TRAPPC9: variants seen among roughly 807,000 people sequenced by gnomAD.
TRAPPC9 encodes IKK2 binding protein.
A neutral mutation model predicts 124.0 loss-of-function variants in TRAPPC9; 83 were observed. The ratio of observed to expected loss-of-function variants is 0.67; its 90% CI spans 0.56 to 0.80. The LOEUF is 0.80. Among genes scored for constraint, TRAPPC9 ranks in the 30% least tolerant of loss-of-function variants. TRAPPC9 has a pLI of 0.00. For synonymous variants in TRAPPC9, 638 were observed against 617.5 expected (o/e 1.03, Z -0.49); for missense variants, 1,302 against 1,508.3 (o/e 0.86, Z 2.27).
intron 17 of TRAPPC9, among the ~76,000 whole-genome samples, chr8:140,072,693 C>CATAT (rs113327909): frequency 6.7e-6 from 1 of 150,216 alleles, no homozygotes; most frequent in African/African-American, 2.4e-5. Context: ...ATATTCAATG[C>CATAT]ATATATATAT....
At chr8:139,736,996 A>G (rs1818215459) in intron 21 of TRAPPC9, among the ~76,000 whole-genome samples, 1 of 152,246 alleles carries the variant, frequency 6.6e-6, no homozygotes, top group Admixed American at 6.5e-5. Flanking sequence ...TCCAACCAGG[A>G]CGGACCTGGG....
intron 21 of TRAPPC9, among the ~76,000 whole-genome samples, chr8:139,815,239 C>T (rs1027633653): frequency 6.6e-6 from 1 of 152,172 alleles, no homozygotes; most frequent in African/African-American, 2.4e-5. Flanking sequence ...GCTCCCTGCC[C>T]GCCTTCCCTG....
chr8:140,423,579 TACACACACACACAC>T (rs35333495), intron 5 of TRAPPC9, among the ~76,000 whole-genome samples: 3 of 145,440 alleles, frequency 2.1e-5, no homozygotes, highest in Non-Finnish European at 3.0e-5. Context: ...AAATGTGGCA[TACACACACACACAC>T]ACACACACAC....
chr8:140,309,240 C>A, intron 10 of TRAPPC9, among the ~76,000 whole-genome samples: 1 of 152,262 alleles, frequency 6.6e-6, no homozygotes, highest in East Asian at 1.9e-4. Context: ...TTCCTAGGCG[C>A]TAGGCATGCT....
At chr8:140,423,655 TACAC>T (rs755391431) in intron 5 of TRAPPC9, among the ~76,000 whole-genome samples, 12 of 71,348 alleles carry the variant, frequency 1.7e-4, no homozygotes, top group African/African-American at 4.3e-4. Context: ...CACATATACA[TACAC>T]ACATATATAC....
At chr8:140,445,602 C>T (rs1334813196) in intron 2 of TRAPPC9, among the ~76,000 whole-genome samples, 2 of 152,196 alleles carry the variant, frequency 1.3e-5, no homozygotes, top group African/African-American at 4.8e-5. Context: ...GGCCCACAAC[C>T]CAGGGTTAAA....
Position 140,451,397 on chromosome 8 carries a change from A to G in TRAPPC9, c.-10-14T>C. ...ATTTTGAAGTCCCTGTTCAGAGAGA[A>G]GAAATGAGGCTGTGAGACACAGAGT... On this transcript the variant is annotated splice_polypyrimidine_tract_variant and intron_variant, in intron 1 of 22. Transcript: ENST00000438773. 1.3e-6 allele frequency: 2 copies of G among 1,595,170 alleles called. No individual in the cohort carries two copies. The highest frequency in any genetic ancestry group is 1.7e-6 in the Non-Finnish European group (2 of 1,176,548).
At chr8:139,754,742 G>A (rs762111386) in intron 21 of TRAPPC9, among the ~76,000 whole-genome samples, 6 of 152,124 alleles carry the variant, frequency 3.9e-5, no homozygotes, top group East Asian at 3.9e-4. Context: ...TTCCAGAGAC[G>A]CCCCCACCCC....
chr8:139,916,264 C>T (rs910832345), intron 19 of TRAPPC9: 2 of 152,204 alleles, frequency 1.3e-5, no homozygotes, highest in East Asian at 1.9e-4. Flanking sequence ...GAGGCTGATA[C>T]ACCCCACTTT....
At chr8:139,853,619 G>A (rs550943209) in intron 21 of TRAPPC9, among the ~76,000 whole-genome samples, 1 of 152,338 alleles carries the variant, frequency 6.6e-6, no homozygotes, top group East Asian at 1.9e-4. Context: ...CTGCAGGGTG[G>A]GGATTCAGGC....
intron 15 of TRAPPC9, among the ~76,000 whole-genome samples, chr8:140,261,701 G>A (rs1695243860): frequency 6.6e-6 from 1 of 152,170 alleles, no homozygotes; most frequent in Admixed American, 6.5e-5. Flanking sequence ...ATTCTTGCCT[G>A]TTGGGATGGC....
At chr8:139,878,032 C>A (rs978554955) in intron 21 of TRAPPC9, among the ~76,000 whole-genome samples, 4 of 152,208 alleles carry the variant, frequency 2.6e-5, no homozygotes, top group Non-Finnish European at 5.9e-5. Context: ...TTCTGAGAAT[C>A]CACGCTGAGG....
chr8:139,780,728 A>T (rs930060485), intron 21 of TRAPPC9, among the ~76,000 whole-genome samples: 18 of 152,288 alleles, frequency 1.2e-4, no homozygotes, highest in African/African-American at 4.3e-4. Flanking sequence ...CACCACCAAG[A>T]GAATGAGAAG....
intron 20 of TRAPPC9, among the ~76,000 whole-genome samples, chr8:139,887,217 C>CTT (rs1221275448): frequency 0.011 from 1,496 of 130,560 alleles, 34 homozygotes; most frequent in African/African-American, 0.04. Flanking sequence ...CCTATTTTAG[C>CTT]TTTTTTTTTT....
At chr8:139,761,702 C>A (rs13439606) in intron 21 of TRAPPC9, among the ~76,000 whole-genome samples, 12,789 of 151,888 alleles carry the variant, frequency 0.084, 537 homozygotes, top group Middle Eastern at 0.1. Flanking sequence ...TGCTGGGTCA[C>A]CCCCCTCAGG....
At chr8:140,311,478 C>A in intron 9 of TRAPPC9, 104 bp from the exon 10 acceptor site, 1 of 1,386,720 alleles carries the variant, frequency 7.2e-7, no homozygotes, top group South Asian at 1.2e-5. Flanking sequence ...TGAGTCCAAT[C>A]TTCTGACAGA....
intron 21 of TRAPPC9, among the ~76,000 whole-genome samples, chr8:139,758,331 C>T (rs1295101281): frequency 6.6e-6 from 1 of 152,224 alleles, no homozygotes; most frequent in Non-Finnish European, 1.5e-5. Flanking sequence ...GCGTGCTTTA[C>T]ATTTCTTACT....
At chr8:139,777,460 T>C (rs987685008) in intron 21 of TRAPPC9, among the ~76,000 whole-genome samples, 1 of 152,208 alleles carries the variant, frequency 6.6e-6, no homozygotes, top group African/African-American at 2.4e-5. Flanking sequence ...CCTAATGCTT[T>C]GTAGGGCATT....
At chr8:139,880,104 T>C (rs374361897) in intron 21 of TRAPPC9, among the ~76,000 whole-genome samples, 2 of 152,164 alleles carry the variant, frequency 1.3e-5, no homozygotes, top group East Asian at 3.9e-4. Flanking sequence ...CAAACAATGC[T>C]CAAAGAGAAG....
Sources: gnomAD v4.1 joint callset for allele counts (sites outside exome capture counted in the v4.1 genomes callset) on GRCh38, gnomAD v4.1.1 for gene constraint, MANE v1.5 for transcripts, NCBI Gene and HGNC (gene_info 2026-07-23, HGNC 2026-07-21) for gene names.